Variants in KALRN observed in about 807,000 individuals in gnomAD.
KALRN encodes the protein kalirin.
KALRN carries 70 observed loss-of-function variants against 353.7 expected under a neutral mutation model. That is an observed-to-expected ratio of 0.20 (90% confidence interval 0.16 to 0.24). The LOEUF (loss-of-function observed/expected upper bound fraction) is 0.24. KALRN is among the 10% of genes least tolerant of loss of function. The pLI, the probability that KALRN is intolerant of heterozygous loss-of-function variation, is 1.00. For synonymous variants in KALRN, 1,391 were observed against 1,434.8 expected, an observed-to-expected ratio of 0.97 and a Z score of 0.69; for missense variants, 2,791 against 3,756.7, an observed-to-expected ratio of 0.74 and a Z score of 6.72.
intron 6 of KALRN, among the ~76,000 whole-genome samples, chr3:124,314,355 TG>T (rs1183775740): frequency 2.2e-5 from 1 of 44,776 alleles, no homozygotes; most frequent in Non-Finnish European, 4.0e-5. Flanking sequence ...TGTTGTGGGG[TG>T]GGGGGAGGGG....
intron 10 of KALRN, among the ~76,000 whole-genome samples, chr3:124,363,777 G>A (rs1030460675): frequency 6.6e-6 from 1 of 152,228 alleles, no homozygotes; most frequent in East Asian, 1.9e-4. Flanking sequence ...GATTAGCCAG[G>A]AAACTTTCCA....
At chr3:124,498,679 T>G (rs2064157350) in intron 33 of KALRN, among the ~76,000 whole-genome samples, 1 of 152,174 alleles carries the variant, frequency 6.6e-6, no homozygotes, top group African/African-American at 2.4e-5. Flanking sequence ...CCTAGAAAAT[T>G]CCTTAGACAT....
chr3:124,167,230 A>C (rs2071015516), intron 1 of KALRN, among the ~76,000 whole-genome samples: 4 of 152,086 alleles, frequency 2.6e-5, no homozygotes. Context: ...TGTGGCTCCT[A>C]TGAAATTGGC....
At chr3:124,250,671 G>A (rs1056279802) in intron 3 of KALRN, among the ~76,000 whole-genome samples, 1 of 152,202 alleles carries the variant, frequency 6.6e-6, no homozygotes, top group Non-Finnish European at 1.5e-5. Flanking sequence ...ACTAAGGGGA[G>A]TGGGGAGCGG....
chr3:124,204,603 A>G (rs2076246100), intron 1 of KALRN, among the ~76,000 whole-genome samples: 1 of 121,606 alleles, frequency 8.2e-6, no homozygotes, highest in African/African-American at 3.1e-5. Flanking sequence ...ATCAAAGAAA[A>G]AAATTCCAGT....
At chr3:124,693,138 AG>A (rs935869182) in intron 51 of KALRN, among the ~76,000 whole-genome samples, 5 of 152,166 alleles carry the variant, frequency 3.3e-5, no homozygotes, top group African/African-American at 1.2e-4. Flanking sequence ...TGAAGTGGAA[AG>A]GGTTGGAATG....
chr3:124,227,941 G>T, intron 1 of KALRN, 49 bp from the exon 2 acceptor site: 1 of 1,482,300 alleles, frequency 6.7e-7, no homozygotes, highest in Non-Finnish European at 9.4e-7. Context: ...TTGCGATTCA[G>T]CCAGCTGGCT....
chr3:124,625,336 C>T (rs773035706), intron 34 of KALRN, among the ~76,000 whole-genome samples: 24 of 152,142 alleles, frequency 1.6e-4, no homozygotes, highest in Non-Finnish European at 3.1e-4. Context: ...CAGCCAAGGT[C>T]TTTGAACTAA....
chr3:124,159,583 T>G (rs2069582697), intron 1 of KALRN, among the ~76,000 whole-genome samples: 1 of 151,910 alleles, frequency 6.6e-6, no homozygotes, highest in African/African-American at 2.4e-5. Flanking sequence ...GCTTTTTTTT[T>G]TTTTTTTTAA....
At position 124,049,950 on chromosome 3, in the gene KALRN, C is replaced by A. The variant is rs949616263; in HGVS notation, c.73+16137C>A. On this transcript the variant is annotated intron_variant, in intron 1 of 59. Coordinates refer to ENST00000682506, the MANE Select transcript of KALRN (RefSeq NM_001388419.1). ...ATATTATTCTTTTTTCTGGATTAATCTCTTTTGGATGACTATTTCATTTAG... is the reference window on the plus strand; with the variant it reads ...ATATTATTCTTTTTTCTGGATTAATATCTTTTGGATGACTATTTCATTTAG... Among the ~76,000 whole-genome samples the A allele has an allele frequency of 6.6e-5, 10 of 152,270 alleles. No individual in the cohort carries two copies. In the South Asian group the frequency reaches 1.9e-3, roughly 28 times the overall value.
intron 1 of KALRN, among the ~76,000 whole-genome samples, chr3:124,076,601 C>T (rs1430141841): frequency 1.3e-5 from 2 of 152,218 alleles, no homozygotes; most frequent in Admixed American, 6.5e-5. Context: ...TTAATGTCCC[C>T]AACTCCTGAG....
chr3:124,493,394 C>T (rs760837157), intron 32 of KALRN, among the ~76,000 whole-genome samples: 34 of 152,148 alleles, frequency 2.2e-4, no homozygotes, highest in Non-Finnish European at 2.9e-4. Context: ...TGATAAGCAA[C>T]GTCATTGGGC....
intron 10 of KALRN, among the ~76,000 whole-genome samples, chr3:124,376,957 CA>C (rs1276304787): frequency 6.6e-6 from 1 of 152,026 alleles, no homozygotes; most frequent in Non-Finnish European, 1.5e-5. Context: ...TGCACAATTA[CA>C]ATGTCATAAT....
chr3:124,436,277 G>T (rs1183994329), intron 17 of KALRN, among the ~76,000 whole-genome samples: 1 of 152,176 alleles, frequency 6.6e-6, no homozygotes, highest in Non-Finnish European at 1.5e-5. Flanking sequence ...CTTGCCGAAG[G>T]TTACTTTACC....
chr3:124,665,193 A>G (rs1242487236), intron 45 of KALRN, among the ~76,000 whole-genome samples: 2 of 152,190 alleles, frequency 1.3e-5, no homozygotes, highest in Non-Finnish European at 2.9e-5. Flanking sequence ...CCTGAGAAAG[A>G]GCACCTGCAT....
intron 10 of KALRN, among the ~76,000 whole-genome samples, chr3:124,367,550 C>T (rs202028714): frequency 5.2e-5 from 4 of 77,458 alleles, no homozygotes; most frequent in Non-Finnish European, 7.8e-5. Context: ...GGCGGCTGGC[C>T]GGGCAGAGGG....
intron 1 of KALRN, among the ~76,000 whole-genome samples, chr3:124,179,562 TTTA>T (rs1373704368): frequency 5.9e-5 from 9 of 152,244 alleles, no homozygotes; most frequent in Non-Finnish European, 7.3e-5. Flanking sequence ...AACATTGTTA[TTTA>T]TTATTATCAA....
intron 15 of KALRN, among the ~76,000 whole-genome samples, chr3:124,426,863 A>T (rs924957717): frequency 6.6e-6 from 1 of 152,246 alleles, no homozygotes; most frequent in Non-Finnish European, 1.5e-5. Context: ...CCTAATGAGC[A>T]TAAAACTAAA....
At chr3:124,116,557 C>T (rs1445066962) in intron 1 of KALRN, among the ~76,000 whole-genome samples, 1 of 152,156 alleles carries the variant, frequency 6.6e-6, no homozygotes. Flanking sequence ...CCTTTCCTCT[C>T]TTCTGTCCAG....
Sources: gnomAD v4.1 joint callset for allele counts (sites outside exome capture counted in the v4.1 genomes callset) on GRCh38, gnomAD v4.1.1 for gene constraint, MANE v1.5 for transcripts, NCBI Gene and HGNC (gene_info 2026-07-23, HGNC 2026-07-21) for gene names.